Variants in SRPK2 observed in about 807,000 individuals in gnomAD.
The protein encoded by SRPK2 is SFRS protein kinase 2.
A neutral mutation model predicts 90.8 loss-of-function variants in SRPK2; 21 were observed. The observed-to-expected ratio is 0.23, with a 90% CI of 0.16 to 0.33. The LOEUF (loss-of-function observed/expected upper bound fraction) is 0.33, where lower values mean the gene tolerates loss of function less well. Among genes scored for constraint, SRPK2 ranks in the 10% least tolerant of loss-of-function variants. The pLI is 1.00. For missense variants in SRPK2, 620 were observed against 869.0 expected (o/e 0.71, Z 3.60); for synonymous variants, 288 against 311.1 (o/e 0.93, Z 0.78).
intron 2 of SRPK2, among the ~76,000 whole-genome samples, chr7:105,298,086 G>C (rs1015371107): frequency 1.3e-5 from 2 of 152,006 alleles, no homozygotes; most frequent in East Asian, 1.9e-4. Flanking sequence ...TGTTCAGCTG[G>C]GTAAGTTTTG....
At chr7:105,265,336 G>A (rs547594224) in intron 2 of SRPK2, among the ~76,000 whole-genome samples, 31 of 152,212 alleles carry the variant, frequency 2.0e-4, no homozygotes, top group Non-Finnish European at 4.3e-4. Flanking sequence ...ATTAGGTATT[G>A]TAAGTAATCT....
intron 2 of SRPK2, among the ~76,000 whole-genome samples, chr7:105,347,489 C>T (rs760786754): frequency 2.0e-5 from 3 of 152,054 alleles, no homozygotes; most frequent in Non-Finnish European, 4.4e-5. Flanking sequence ...ATATTGACCA[C>T]AGACTGGCTT....
At chr7:105,216,782 T>C (rs940888650) in intron 2 of SRPK2, among the ~76,000 whole-genome samples, 1 of 152,132 alleles carries the variant, frequency 6.6e-6, no homozygotes, top group Non-Finnish European at 1.5e-5. Context: ...ACAGTCCAAA[T>C]GTACAGCTTT....
At chr7:105,352,631 G>A (rs1008725635) in intron 2 of SRPK2, among the ~76,000 whole-genome samples, 5 of 152,278 alleles carry the variant, frequency 3.3e-5, no homozygotes, top group African/African-American at 1.2e-4. Flanking sequence ...TGGGTGTGGT[G>A]GCTCACGCCA....
chr7:105,242,911 C>G (rs1801009231), intron 2 of SRPK2, among the ~76,000 whole-genome samples: 1 of 152,222 alleles, frequency 6.6e-6, no homozygotes, highest in Non-Finnish European at 1.5e-5. Flanking sequence ...ACAGAAGTAG[C>G]ATTTCAAATA....
chr7:105,125,245 A>G (rs1170653901), intron 15 of SRPK2, among the ~76,000 whole-genome samples: 5 of 152,162 alleles, frequency 3.3e-5, no homozygotes, highest in African/African-American at 7.2e-5. Flanking sequence ...GGGCAAATAA[A>G]CAGTTGGAAG....
chr7:105,301,081 G>A (rs959959926), intron 2 of SRPK2, among the ~76,000 whole-genome samples: 4 of 152,108 alleles, frequency 2.6e-5, no homozygotes, highest in Non-Finnish European at 5.9e-5. Flanking sequence ...TGTTTATTGC[G>A]GCATTATTCA....
chr7:105,233,243 A>C (rs1209272907), intron 2 of SRPK2, among the ~76,000 whole-genome samples: 6 of 152,222 alleles, frequency 3.9e-5, no homozygotes, highest in African/African-American at 1.4e-4. Flanking sequence ...CGCCACCCTG[A>C]AAACACCTAA....
At chr7:105,300,608 C>A (rs143572431) in intron 2 of SRPK2, among the ~76,000 whole-genome samples, 99 of 152,296 alleles carry the variant, frequency 6.5e-4, no homozygotes, top group African/African-American at 2.2e-3. Context: ...TTTTTGCAAT[C>A]TACCCATCTG....
At chr7:105,308,805 A>G (rs558582811) in intron 2 of SRPK2, among the ~76,000 whole-genome samples, 19 of 152,308 alleles carry the variant, frequency 1.2e-4, no homozygotes, top group East Asian at 3.9e-4. Flanking sequence ...CATAATTAAC[A>G]TAAGTACTTA....
chr7:105,320,251 G>T (rs776950943), intron 2 of SRPK2, among the ~76,000 whole-genome samples: 1 of 152,074 alleles, frequency 6.6e-6, no homozygotes, highest in Non-Finnish European at 1.5e-5. Flanking sequence ...CAAGGTACAA[G>T]AATAAACCTT....
In SRPK2 at chr7:105,223,770, G is replaced by T. The variant is rs1211352736; in HGVS notation, c.72-19985C>A. The stretch of plus-strand genomic sequence containing the variant: ...TGTCAAGCTATACTCAGAAAGCAAT[G>T]AAATCAATACACAGCTTTTTTAAAA... On this transcript the variant is annotated intron_variant, in intron 2 of 15. Coordinates refer to ENST00000393651, the MANE Select transcript of SRPK2 (RefSeq NM_182692.3). 4.6e-5 allele frequency among the ~76,000 whole-genome samples: 7 copies of T among 152,272 alleles called. No individual in the cohort carries two copies. The East Asian group carries it at 7.7e-4, about 17-fold the overall frequency.
chr7:105,326,579 T>C (rs1813620545), intron 2 of SRPK2, among the ~76,000 whole-genome samples: 1 of 152,304 alleles, frequency 6.6e-6, no homozygotes, highest in South Asian at 2.1e-4. Flanking sequence ...TCTGCATGTA[T>C]GCCACTTATT....
chr7:105,182,324 A>G (rs1382829551), intron 3 of SRPK2, among the ~76,000 whole-genome samples: 3 of 151,992 alleles, frequency 2.0e-5, no homozygotes, highest in African/African-American at 7.2e-5. Flanking sequence ...GACGACAAGC[A>G]CAGCAGTTTA....
At chr7:105,379,378 A>C (rs1430179995) in intron 2 of SRPK2, among the ~76,000 whole-genome samples, 1 of 152,182 alleles carries the variant, frequency 6.6e-6, no homozygotes, top group African/African-American at 2.4e-5. Flanking sequence ...GGATGTGTGA[A>C]GGTTACAAGG....
chr7:105,133,242 A>C (rs1376839835), intron 11 of SRPK2, 138 bp from the exon 12 acceptor site: 1 of 771,050 alleles, frequency 1.3e-6, no homozygotes. Context: ...TGTAAATTAA[A>C]CTTGACAGAA....
At chr7:105,126,447 A>T (rs1801223914) in intron 14 of SRPK2, 107 bp from the exon 15 acceptor site, 1 of 817,596 alleles carries the variant, frequency 1.2e-6, no homozygotes, top group African/African-American at 1.7e-5. Flanking sequence ...AAATAGATTC[A>T]AATCAACAGT....
intron 2 of SRPK2, among the ~76,000 whole-genome samples, chr7:105,381,059 G>C (rs1820891589): frequency 6.6e-6 from 1 of 150,612 alleles, no homozygotes; most frequent in African/African-American, 2.4e-5. Context: ...TAGGCCAGGA[G>C]TTCCTGACCA....
chr7:105,209,906 GT>G (rs200441908), intron 2 of SRPK2, among the ~76,000 whole-genome samples: 29 of 151,994 alleles, frequency 1.9e-4, no homozygotes, highest in Admixed American at 1.6e-3. Context: ...TTAAAATGTG[GT>G]TTAAAAAAAC....
Sources: gnomAD v4.1 joint callset for allele counts (sites outside exome capture counted in the v4.1 genomes callset) on GRCh38, gnomAD v4.1.1 for gene constraint, MANE v1.5 for transcripts, NCBI Gene and HGNC (gene_info 2026-07-23, HGNC 2026-07-21) for gene names.